The following PTGES3 variants were observed in gnomAD, a reference collection of about 807,000 sequenced individuals.
The protein encoded by PTGES3 is prostaglandin E synthase 3.
PTGES3 carries 5 observed loss-of-function variants against 29.9 expected under a neutral mutation model. The ratio of observed to expected loss-of-function variants is 0.17; its 90% confidence interval spans 0.09 to 0.35. The LOEUF is 0.35. Ranked by LOEUF, PTGES3 falls within the 10% of genes least tolerant of loss-of-function variation. PTGES3 has a pLI of 1.00. For synonymous variants in PTGES3, 49 were observed against 57.8 expected (o/e 0.85, Z 0.69); for missense variants, 128 against 190.0 (o/e 0.67, Z 1.92).
At chr12:56,676,920 CAAAAAAAAAAAAA>C (rs34739170) in intron 1 of PTGES3, among the ~76,000 whole-genome samples, 4 of 50,552 alleles carry the variant, frequency 7.9e-5, no homozygotes, top group Admixed American at 3.8e-4. Context: ...GATTCCGACT[CAAAAAAAAAAAAA>C]AAAAAAAAAA....
chr12:56,684,060 A>G (rs1592284024), intron 1 of PTGES3, among the ~76,000 whole-genome samples: 1 of 152,212 alleles, frequency 6.6e-6, no homozygotes, highest in East Asian at 1.9e-4. Context: ...TTTCCATAGC[A>G]AAATATGCTC....
chr12:56,677,232 CCTT>C (rs1007616141), intron 1 of PTGES3, among the ~76,000 whole-genome samples: 8 of 150,362 alleles, frequency 5.3e-5, no homozygotes, highest in Admixed American at 2.0e-4. Context: ...GAGTGAGACT[CCTT>C]CTCCGCACCA....
chr12:56,681,431 G>C (rs572321822), intron 1 of PTGES3, among the ~76,000 whole-genome samples: 366 of 151,460 alleles, frequency 2.4e-3, no homozygotes, highest in African/African-American at 8.6e-3. Context: ...CCAGCTACTC[G>C]GGAGGCTGAG....
intron 4 of PTGES3, chr12:56,670,572 C>A: frequency 3.9e-6 from 2 of 514,708 alleles, no homozygotes; most frequent in Non-Finnish European, 7.0e-6. Flanking sequence ...TCTTGTTTAC[C>A]CTCTTCAGGC....
chr12:56,687,150 C>T, intron 1 of PTGES3: 4 of 947,582 alleles, frequency 4.2e-6, no homozygotes, highest in Non-Finnish European at 5.3e-6. Flanking sequence ...CTGTATTCAC[C>T]TCCACACAAA....
At chr12:56,672,043 T>A (rs1257113400) in intron 3 of PTGES3, among the ~76,000 whole-genome samples, 196 bp from the exon 4 acceptor site, 1 of 152,160 alleles carries the variant, frequency 6.6e-6, no homozygotes, top group African/African-American at 2.4e-5. Context: ...AAAAAATTTT[T>A]TTTTCCCTTC....
At chr12:56,665,180 G>T in intron 6 of PTGES3, 1 of 985,154 alleles carries the variant, frequency 1.0e-6, no homozygotes, top group Non-Finnish European at 1.2e-6. Flanking sequence ...TTTCTAAATA[G>T]CATTAAATAA....
intron 1 of PTGES3, among the ~76,000 whole-genome samples, chr12:56,683,963 AAAAAAAAAC>A (rs1473245253): frequency 6.0e-4 from 87 of 146,190 alleles, no homozygotes; most frequent in African/African-American, 1.6e-3. Flanking sequence ...GTCTCAAAAA[AAAAAAAAAC>A]AAAAAAAACA....
intron 1 of PTGES3, among the ~76,000 whole-genome samples, chr12:56,680,058 T>C (rs1311172826): frequency 1.3e-5 from 2 of 151,242 alleles, no homozygotes; most frequent in Non-Finnish European, 2.9e-5. Flanking sequence ...TGGTTTTCCA[T>C]TTTTGTTTTA....
At chr12:56,667,225 T>C (rs1280767865) in intron 5 of PTGES3, among the ~76,000 whole-genome samples, 1 of 152,232 alleles carries the variant, frequency 6.6e-6, no homozygotes, top group Non-Finnish European at 1.5e-5. Context: ...AGGCCTGGTA[T>C]TCTCATCATG....
intron 1 of PTGES3, among the ~76,000 whole-genome samples, chr12:56,681,678 T>C (rs1222132019): frequency 6.8e-6 from 1 of 146,636 alleles, no homozygotes; most frequent in Non-Finnish European, 1.5e-5. Context: ...CGAAACCCCA[T>C]CTCTACTTAA....
chr12:56,681,834 G>A (rs1236722841), intron 1 of PTGES3, among the ~76,000 whole-genome samples: 1 of 151,868 alleles, frequency 6.6e-6, no homozygotes, highest in Non-Finnish European at 1.5e-5. Context: ...TCCAGCCTGG[G>A]CGACAGAGCA....
In PTGES3 at chr12:56,664,546, T is replaced by C. The variant is rs755974444; in HGVS notation, c.464-48A>G. 21 of 1,548,872 alleles carry C rather than the reference T, an allele frequency of 1.4e-5. No individual in the cohort carries two copies. In the South Asian group the frequency reaches 2.4e-4, roughly 18 times the overall value. The stretch of plus-strand genomic sequence containing the variant: ...TAGTATATAGTACAAGTGAATAATC[T>C]ACCAATTTTACTGTCTTAAAGGAAA... On this transcript the variant is annotated intron_variant, in intron 7 of 7. Transcript: ENST00000262033.
At chr12:56,687,735 C>G (rs967974430) in intron 1 of PTGES3, 126 of 1,364,584 alleles carry the variant, frequency 9.2e-5, no homozygotes, top group Non-Finnish European at 1.1e-4. Context: ...GGCGAGTAAC[C>G]CAGACAGCCA....
intron 3 of PTGES3, among the ~76,000 whole-genome samples, 166 bp downstream of exon 3, chr12:56,672,574 A>G (rs1437710406): frequency 6.6e-6 from 1 of 152,174 alleles, no homozygotes; most frequent in Non-Finnish European, 1.5e-5. Context: ...CAAAAACAAA[A>G]AGTATGCAGA....
intron 5 of PTGES3, among the ~76,000 whole-genome samples, chr12:56,668,786 AG>A (rs751747338): frequency 3.1e-4 from 47 of 152,312 alleles, no homozygotes; most frequent in South Asian, 6.2e-4. Context: ...AATTTCAAAT[AG>A]CAACAAGAAA....
At chr12:56,687,886 G>A (rs1952959244) in intron 1 of PTGES3, 112 bp downstream of exon 1, 12 of 1,583,416 alleles carry the variant, frequency 7.6e-6, no homozygotes, top group South Asian at 1.1e-5. Context: ...CCCCCAGGCA[G>A]GAACGACTGC....
At chr12:56,665,285 T>A (rs1204018333) in intron 6 of PTGES3, 401 of 143,922 alleles carry the variant, frequency 2.8e-3, no homozygotes, top group East Asian at 5.1e-3. Context: ...AATGTCCATC[T>A]TTTTTTTTTT....
intron 1 of PTGES3, among the ~76,000 whole-genome samples, chr12:56,682,466 C>T (rs183372854): frequency 2.0e-5 from 3 of 151,972 alleles, no homozygotes; most frequent in East Asian, 3.9e-4. Flanking sequence ...GGGACCAAGG[C>T]AGGAGGATGG....
Sources: allele counts gnomAD v4.1 joint callset (sites outside exome capture counted in the v4.1 genomes callset), GRCh38; gene constraint gnomAD v4.1.1; transcripts MANE v1.5; gene names NCBI Gene and HGNC (gene_info 2026-07-23, HGNC 2026-07-21).